DST: variants seen among roughly 807,000 people sequenced by gnomAD.
DST encodes dystonin.
DST carries 253 observed loss-of-function variants against 875.2 expected under a neutral mutation model. The observed-to-expected ratio is 0.29, with a 90% CI of 0.26 to 0.32. The LOEUF is 0.32. DST is among the 10% of genes least tolerant of loss of function. The pLI is 1.00. For synonymous variants in DST, 3,124 were observed against 3,197.1 expected, an observed-to-expected ratio of 0.98 and a Z score of 0.77; for missense variants, 8,287 against 9,111.6, an observed-to-expected ratio of 0.91 and a Z score of 3.68.
At position 56,727,335 on chromosome 6, in the gene DST, A is replaced by G. The variant is rs115837077; in HGVS notation, c.687+7893T>C. On this transcript the variant is annotated intron_variant, in intron 5 of 103. Transcript: ENST00000680361. Reference sequence around the variant, plus strand: ...TAGCTGTGCCCGGACCACGTTGGGCACATTTCGTCAGGACCTCCTGAGGCT... The same window carrying G: ...TAGCTGTGCCCGGACCACGTTGGGCGCATTTCGTCAGGACCTCCTGAGGCT... Among the ~76,000 whole-genome samples, 764 of 152,292 alleles carry G rather than the reference A, an allele frequency of 5.0e-3. 9 individuals are homozygous for G. Among genetic ancestry groups the G allele is most frequent in the African/African-American group, 0.018 (740 of 41,552 alleles).
intron 49 of DST, among the ~76,000 whole-genome samples, chr6:56,588,357 G>A (rs970540329): frequency 5.9e-5 from 9 of 151,994 alleles, no homozygotes; most frequent in African/African-American, 1.2e-4. Context: ...ACCTACCCCC[G>A]CCATCCTGAA....
intron 10 of DST, among the ~76,000 whole-genome samples, chr6:56,660,459 C>A (rs1341590496): frequency 6.6e-6 from 1 of 152,150 alleles, no homozygotes; most frequent in African/African-American, 2.4e-5. Flanking sequence ...TTAACATCTG[C>A]TTTTCAAAAG....
intron 4 of DST, among the ~76,000 whole-genome samples, chr6:56,825,030 G>A (rs1171984632): frequency 6.6e-6 from 1 of 152,216 alleles, no homozygotes; most frequent in Non-Finnish European, 1.5e-5. Context: ...GGGCCATGAT[G>A]ACAATGGCGG....
chr6:56,934,547 ATTATATATTATAT>A (rs1811843481), intron 2 of DST, among the ~76,000 whole-genome samples: 2 of 108,872 alleles, frequency 1.8e-5, no homozygotes, highest in Non-Finnish European at 3.8e-5. Flanking sequence ...AAATATACAT[ATTATATATTATAT>A]TATATATATA....
chr6:56,555,674 C>T lies in DST; in HGVS notation c.14807G>A (p.Ser4936Asn). Residue 4936 changes from serine (S) to asparagine (N), a missense_variant, in exon 60 of 104, where the codon AGT becomes AAT. Coordinates refer to ENST00000680361, the MANE Select transcript of DST (RefSeq NM_001374736.1). ...TTGGTCAATCCAGTCACATCTGTCA[C>T]TCAATTGCCCTGTTAGGCTATCCCA... The part of the protein sequence containing the change: ...QKWDSLTGQL[S>N]DRCDWIDQAI... 1 of 1,613,980 alleles carries T rather than the reference C, an allele frequency of 6.2e-7. No individual in the cohort carries two copies. Among genetic ancestry groups the T allele is most frequent in the African/African-American group, 1.3e-5 (1 of 75,058 alleles).
chr6:56,459,125 G>A lies in DST; in HGVS notation c.23337C>T (p.Pro7779=). 3.1e-6 allele frequency: 5 copies of A among 1,613,538 alleles called. No individual in the cohort carries two copies. Among genetic ancestry groups the A allele is most frequent in the Non-Finnish European group, 4.2e-6 (5 of 1,179,778 alleles). The change falls in exon 104 of 104, where the codon CCC becomes CCT. Residue 7779 remains proline, a synonymous_variant. Coordinates refer to ENST00000680361, the MANE Select transcript of DST (RefSeq NM_001374736.1). The part of the protein sequence containing the change: ...QSVCSDVETV[P]QTHRPTPRAG... ...CTCGGGGTGTAGGTCTGTGTGTCTG[G>A]GGGACAGTTTCCACATCTGAGCACA... is the stretch of plus-strand genomic sequence containing the variant.
At chr6:56,801,153 A>AAAC (rs375576731) in intron 4 of DST, among the ~76,000 whole-genome samples, 4 of 150,874 alleles carry the variant, frequency 2.7e-5, no homozygotes, top group African/African-American at 9.7e-5. Flanking sequence ...ACATTTTTTA[A>AAAC]AACATAAACT....
chr6:56,726,001 A>G (rs1228797028), intron 5 of DST, among the ~76,000 whole-genome samples: 1 of 152,232 alleles, frequency 6.6e-6, no homozygotes, highest in Non-Finnish European at 1.5e-5. Flanking sequence ...GCATCAGAAT[A>G]TATTAACACT....
At chr6:56,629,724 TAATAA>T (rs1042375063) in intron 31 of DST, among the ~76,000 whole-genome samples, 6 of 152,170 alleles carry the variant, frequency 3.9e-5, no homozygotes. Context: ...CTACCTCCAT[TAATAA>T]AATATGTCTT....
chr6:56,704,486 T>G (rs2099324897), intron 5 of DST, 117 bp from the exon 6 acceptor site: 1 of 529,838 alleles, frequency 1.9e-6, no homozygotes, highest in Non-Finnish European at 3.4e-6. Flanking sequence ...TTCATGCACC[T>G]ATTTTTAAAT....
intron 55 of DST, among the ~76,000 whole-genome samples, chr6:56,562,892 T>C (rs898349180): frequency 1.3e-5 from 2 of 152,204 alleles, no homozygotes; most frequent in East Asian, 1.9e-4. Flanking sequence ...TCCAGCTTCA[T>C]CCATATCCCA....
At chr6:56,887,845 T>C (rs1309314001) in intron 3 of DST, among the ~76,000 whole-genome samples, 1 of 152,214 alleles carries the variant, frequency 6.6e-6, no homozygotes, top group Non-Finnish European at 1.5e-5. Context: ...GAGACTAAAC[T>C]GTTCATTCAA....
intron 4 of DST, among the ~76,000 whole-genome samples, chr6:56,815,470 T>G (rs1432850254): frequency 2.0e-5 from 3 of 152,256 alleles, no homozygotes; most frequent in African/African-American, 7.2e-5. Context: ...TTATCTAGCT[T>G]GAGTTTGTCA....
chr6:56,813,303 G>A (rs1170188575), intron 4 of DST, among the ~76,000 whole-genome samples: 2 of 149,932 alleles, frequency 1.3e-5, no homozygotes, highest in Admixed American at 1.3e-4. Flanking sequence ...GTTAATGGGT[G>A]CAGCACACCA....
At chr6:56,870,473 C>T (rs1273907222) in intron 3 of DST, among the ~76,000 whole-genome samples, 4 of 146,824 alleles carry the variant, frequency 2.7e-5, no homozygotes, top group African/African-American at 1.0e-4. Context: ...GGTAAAAAGT[C>T]ACAAAGCAGC....
At chr6:56,460,056 AG>A (rs1043112178) in intron 103 of DST, 74 bp downstream of exon 103, 171 of 1,489,448 alleles carry the variant, frequency 1.1e-4, no homozygotes, top group Non-Finnish European at 1.5e-4. Context: ...TTCCCCAATG[AG>A]GAGGAAAAGG....
At chr6:56,481,410 A>G (rs185183919) in intron 90 of DST, among the ~76,000 whole-genome samples, 3 of 152,334 alleles carry the variant, frequency 2.0e-5, no homozygotes, top group Admixed American at 2.0e-4. Context: ...AGTTTCATGC[A>G]TTGCCGCAGG....
At chr6:56,834,976 A>G (rs1194641938) in intron 4 of DST, among the ~76,000 whole-genome samples, 1 of 152,244 alleles carries the variant, frequency 6.6e-6, no homozygotes. Context: ...ATGGATAAGT[A>G]AACTTGGTAC....
In DST at chr6:56,863,083, G is replaced by A. The variant is rs1156413418; in HGVS notation, c.418-11479C>T. On this transcript the variant is annotated intron_variant, in intron 3 of 103. Transcript: ENST00000680361. ...CTTCCAACTATAGCTCTGGCTCCTG[G>A]AGCTGCTGCGAGTGAGTGGTGGAAA... 3.3e-5 allele frequency: 5 copies of A among 152,426 alleles called. No individual in the cohort carries two copies. In the South Asian group the frequency reaches 6.2e-4, roughly 19 times the overall value. The allele number at this position is 152,426 out of a possible 1,614,324, so 9.4% of individuals were successfully genotyped here.
Sources: allele counts gnomAD v4.1 joint callset (sites outside exome capture counted in the v4.1 genomes callset), GRCh38; gene constraint gnomAD v4.1.1; transcripts MANE v1.5; gene names NCBI Gene and HGNC (gene_info 2026-07-23, HGNC 2026-07-21).